The following NRG3 variants were observed in gnomAD, a reference collection of about 807,000 sequenced individuals.
NRG3 encodes the protein neuregulin 3, also known as pro-neuregulin-3, membrane-bound isoform.
In NRG3, 31 loss-of-function variants were observed where a neutral mutation model predicts 66.9. The ratio of observed to expected loss-of-function variants is 0.46; its 90% CI spans 0.35 to 0.63. The LOEUF (loss-of-function observed/expected upper bound fraction) is 0.63, where lower values mean the gene tolerates loss of function less well. Among genes scored for constraint, NRG3 ranks in the 20% least tolerant of loss-of-function variants. NRG3 has a pLI of 0.00. For synonymous variants in NRG3, 393 were observed against 359.4 expected (o/e 1.09, Z -1.06); for missense variants, 910 against 878.9 (o/e 1.04, Z -0.45).
intron 1 of NRG3, among the ~76,000 whole-genome samples, chr10:82,207,041 C>G (rs1204132080): frequency 6.6e-6 from 1 of 152,112 alleles, no homozygotes; most frequent in Non-Finnish European, 1.5e-5. Flanking sequence ...TTCTGCTTTC[C>G]TAATTGTTTT....
At chr10:81,968,321 A>G (rs929586933) in intron 1 of NRG3, among the ~76,000 whole-genome samples, 1 of 152,188 alleles carries the variant, frequency 6.6e-6, no homozygotes, top group Non-Finnish European at 1.5e-5. Context: ...GTCCTAATCA[A>G]TCACTCTAAG....
intron 2 of NRG3, among the ~76,000 whole-genome samples, chr10:82,387,141 G>A (rs1375675781): frequency 6.6e-6 from 1 of 152,090 alleles, no homozygotes; most frequent in East Asian, 1.9e-4. Context: ...TTTCATTTTT[G>A]CCAATTATGT....
At chr10:82,932,103 C>G (rs773102850) in intron 4 of NRG3, among the ~76,000 whole-genome samples, 4 of 152,108 alleles carry the variant, frequency 2.6e-5, no homozygotes, top group Non-Finnish European at 4.4e-5. Flanking sequence ...CAGCAGCACT[C>G]CAAGTTCCAT....
intron 1 of NRG3, among the ~76,000 whole-genome samples, chr10:81,886,661 C>G (rs773558947): frequency 2.0e-5 from 3 of 151,984 alleles, no homozygotes; most frequent in African/African-American, 7.2e-5. Context: ...AAATATTTGG[C>G]AAGTGAATGT....
intron 2 of NRG3, among the ~76,000 whole-genome samples, chr10:82,393,984 T>C (rs971607993): frequency 2.0e-5 from 3 of 152,314 alleles, no homozygotes; most frequent in East Asian, 1.9e-4. Flanking sequence ...CAATATCCTA[T>C]GTATAATTGC....
At chr10:82,553,328 C>T (rs1159002329) in intron 2 of NRG3, among the ~76,000 whole-genome samples, 1 of 151,902 alleles carries the variant, frequency 6.6e-6, no homozygotes, top group Non-Finnish European at 1.5e-5. Context: ...GTGAGAACCG[C>T]ACCCCCCACA....
At chr10:82,737,593 T>TAC (rs543824890) in intron 2 of NRG3, among the ~76,000 whole-genome samples, 94 of 152,310 alleles carry the variant, frequency 6.2e-4, no homozygotes, top group Admixed American at 1.4e-3. Context: ...AGATTCATCC[T>TAC]TTAAGCAACA....
chr10:82,924,625 A>C (rs913951866), intron 4 of NRG3, among the ~76,000 whole-genome samples: 1 of 152,038 alleles, frequency 6.6e-6, no homozygotes, highest in African/African-American at 2.4e-5. Flanking sequence ...CACAGCATAG[A>C]ATATCCCTTC....
At chr10:82,063,512 C>CTTTTTTT (rs60251056) in intron 1 of NRG3, among the ~76,000 whole-genome samples, 1 of 147,488 alleles carries the variant, frequency 6.8e-6, no homozygotes, top group Non-Finnish European at 1.5e-5. Flanking sequence ...AGGAAAAGAT[C>CTTTTTTT]TTTTTTTTTT....
At chr10:82,773,500 T>C (rs540495861) in intron 3 of NRG3, among the ~76,000 whole-genome samples, 2 of 152,332 alleles carry the variant, frequency 1.3e-5, no homozygotes, top group African/African-American at 2.4e-5. Context: ...TTATCAGATA[T>C]ATAGCTTGCA....
At chr10:82,225,380 T>C (rs1044827237) in intron 1 of NRG3, 3 of 152,212 alleles carry the variant, frequency 2.0e-5, no homozygotes, top group African/African-American at 7.2e-5. Flanking sequence ...GTATAAATTA[T>C]TTCTCATGCA....
At chr10:82,086,927 T>C (rs191062688) in intron 1 of NRG3, among the ~76,000 whole-genome samples, 32 of 152,212 alleles carry the variant, frequency 2.1e-4, no homozygotes, top group Middle Eastern at 3.4e-3. Flanking sequence ...GGCTGGACAA[T>C]CTGGAAGGAT....
At chr10:82,488,600 C>T (rs1437186308) in intron 2 of NRG3, among the ~76,000 whole-genome samples, 1 of 152,114 alleles carries the variant, frequency 6.6e-6, no homozygotes, top group Non-Finnish European at 1.5e-5. Context: ...TTCTTTCCAA[C>T]AACAGTGTTC....
intron 2 of NRG3, among the ~76,000 whole-genome samples, chr10:82,712,496 C>T: frequency 6.6e-6 from 1 of 152,158 alleles, no homozygotes; most frequent in East Asian, 1.9e-4. Context: ...TTATGATTCT[C>T]CATGGCCAAC....
intron 2 of NRG3, among the ~76,000 whole-genome samples, chr10:82,441,899 G>T (rs887019221): frequency 3.9e-5 from 6 of 152,284 alleles, no homozygotes; most frequent in East Asian, 3.9e-4. Flanking sequence ...TGGCATCCGA[G>T]TAGAGACTCT....
chr10:82,551,548 C>T (rs1300495934), intron 2 of NRG3, among the ~76,000 whole-genome samples: 2 of 151,362 alleles, frequency 1.3e-5, no homozygotes, highest in Non-Finnish European at 2.9e-5. Flanking sequence ...ATACAGCAGA[C>T]TAGATGACGA....
At chr10:82,601,003 A>T (rs1320981421) in intron 2 of NRG3, among the ~76,000 whole-genome samples, 1 of 152,036 alleles carries the variant, frequency 6.6e-6, no homozygotes, top group African/African-American at 2.4e-5. Flanking sequence ...GTCCATGTGT[A>T]CCCAAAGTTT....
chr10:82,216,037 G>A (rs955940013), intron 1 of NRG3, among the ~76,000 whole-genome samples: 3 of 133,782 alleles, frequency 2.2e-5, no homozygotes, highest in Non-Finnish European at 3.0e-5. Flanking sequence ...GCGCGATCTC[G>A]GCTCACTGCA....
intron 1 of NRG3, among the ~76,000 whole-genome samples, chr10:82,326,823 A>C (rs1214852666): frequency 6.6e-6 from 1 of 152,158 alleles, no homozygotes; most frequent in Non-Finnish European, 1.5e-5. Flanking sequence ...ATTTCTCATC[A>C]CCTTTAATGT....
Sources: allele counts gnomAD v4.1 joint callset (sites outside exome capture counted in the v4.1 genomes callset), GRCh38; gene constraint gnomAD v4.1.1; transcripts MANE v1.5; gene names NCBI Gene and HGNC (gene_info 2026-07-23, HGNC 2026-07-21).